Variants in ADGRL2 observed in about 807,000 individuals in gnomAD.
ADGRL2 encodes adhesion G protein-coupled receptor L2.
A neutral mutation model predicts 157.4 loss-of-function variants in ADGRL2; 44 were observed. That is an observed-to-expected ratio of 0.28 (90% confidence interval 0.22 to 0.36). The LOEUF (loss-of-function observed/expected upper bound fraction) is 0.36, where lower values mean the gene tolerates loss of function less well. ADGRL2 is among the 10% of genes least tolerant of loss of function. The pLI is 1.00. For missense variants in ADGRL2, 1,510 were observed against 1,768.9 expected, an observed-to-expected ratio of 0.85 and a Z score of 2.63; for synonymous variants, 585 against 624.7, an observed-to-expected ratio of 0.94 and a Z score of 0.95.
intron 2 of ADGRL2, among the ~76,000 whole-genome samples, chr1:81,453,186 T>C (rs2077734080): frequency 6.6e-6 from 1 of 152,222 alleles, no homozygotes; most frequent in Non-Finnish European, 1.5e-5. Flanking sequence ...AATTCCACTC[T>C]GACTAACTGC....
intron 1 of ADGRL2, among the ~76,000 whole-genome samples, chr1:81,824,077 CTTAA>C (rs2091248033): frequency 6.6e-6 from 1 of 152,068 alleles, no homozygotes; most frequent in Admixed American, 6.5e-5. Flanking sequence ...CACTTACTCT[CTTAA>C]TTACATTACA....
Position 81,481,700 on chromosome 1 carries a change from C to A in ADGRL2, c.-248+36611C>A, listed in dbSNP as rs138506634. Among the ~76,000 whole-genome samples the A allele has an allele frequency of 2.1e-3, 315 of 150,928 alleles. 1 individual carries two copies. The highest frequency in any genetic ancestry group is 0.012 in the South Asian group (59 of 4,724). ...TGAGGTTACAATGTTCCCTAACCCA[C>A]TTTTGGCCCCATTTACTGTATAGGC... is the stretch of plus-strand genomic sequence containing the variant. On this transcript the variant is annotated intron_variant, in intron 2 of 24. Coordinates refer to the ADGRL2 transcript ENST00000370721.
intron 2 of ADGRL2, among the ~76,000 whole-genome samples, chr1:81,868,187 TA>T (rs1336755104): frequency 6.6e-6 from 1 of 152,016 alleles, no homozygotes; most frequent in African/African-American, 2.4e-5. Context: ...GCAGTGCTAA[TA>T]CTGTTGAAAC....
At chr1:81,747,012 G>A (rs778840068) in intron 1 of ADGRL2, among the ~76,000 whole-genome samples, 15 of 139,808 alleles carry the variant, frequency 1.1e-4, no homozygotes, top group Admixed American at 7.7e-4. Context: ...GTATACACAC[G>A]TATGTATACA....
chr1:81,942,248 C>T (rs1007777249), intron 5 of ADGRL2, among the ~76,000 whole-genome samples: 3 of 151,756 alleles, frequency 2.0e-5, no homozygotes, highest in African/African-American at 4.8e-5. Context: ...CTGAAGTCGG[C>T]GAGGGGGATC....
rs188553112 is a variant in ADGRL2 at position 81,335,945 on chromosome 1, G to T, written c.-302+29436G>T. Among the ~76,000 whole-genome samples, 4 of 152,032 alleles carry T rather than the reference G, an allele frequency of 2.6e-5. No homozygotes were observed. The East Asian group carries it at 7.7e-4, about 29-fold the overall frequency. On this transcript the variant is annotated intron_variant, in intron 1 of 24. Transcript: ENST00000370721. ...TGGAAAATTTCTACTTCAATCAATA[G>T]CACCATTAGCTGGAATCTAGATTCC...
chr1:81,425,775 G>A (rs1247822707), intron 1 of ADGRL2, among the ~76,000 whole-genome samples: 1 of 152,162 alleles, frequency 6.6e-6, no homozygotes, highest in Non-Finnish European at 1.5e-5. Context: ...TCACCCCATG[G>A]TGAGTACCAG....
chr1:81,409,508 C>A (rs536896287), intron 1 of ADGRL2, among the ~76,000 whole-genome samples: 2 of 152,114 alleles, frequency 1.3e-5, no homozygotes, highest in Non-Finnish European at 2.9e-5. Context: ...AATTTGGATG[C>A]CAAATGAATA....
chr1:81,355,851 C>T (rs1663245239), intron 1 of ADGRL2, among the ~76,000 whole-genome samples: 2 of 152,174 alleles, frequency 1.3e-5, no homozygotes, highest in Non-Finnish European at 2.9e-5. Flanking sequence ...GTCTTCGTAA[C>T]CCCTGGATTA....
At chr1:81,659,764 T>C (rs1448540165) in intron 3 of ADGRL2, among the ~76,000 whole-genome samples, 1 of 152,234 alleles carries the variant, frequency 6.6e-6, no homozygotes, top group Non-Finnish European at 1.5e-5. Flanking sequence ...GTTTACCACA[T>C]TCTCATCAAA....
At chr1:81,914,287 T>A (rs3790909) in intron 3 of ADGRL2, among the ~76,000 whole-genome samples, 54,405 of 151,998 alleles carry the variant, frequency 0.36, 9,970 homozygotes, top group Middle Eastern at 0.43. Flanking sequence ...TCCTATAGGT[T>A]ACAATAAACT....
intron 11 of ADGRL2, among the ~76,000 whole-genome samples, chr1:81,956,631 G>C (rs1653592918): frequency 1.3e-5 from 2 of 152,090 alleles, no homozygotes; most frequent in African/African-American, 2.4e-5. Context: ...CCACTGAGAG[G>C]TAGGAATTCA....
At chr1:81,749,572 T>C (rs942403993) in intron 1 of ADGRL2, among the ~76,000 whole-genome samples, 4 of 152,202 alleles carry the variant, frequency 2.6e-5, no homozygotes, top group African/African-American at 9.6e-5. Context: ...TCTTGAACAG[T>C]GCCTGGAATA....
intron 1 of ADGRL2, among the ~76,000 whole-genome samples, chr1:81,713,330 G>A (rs2084000857): frequency 6.6e-6 from 1 of 152,136 alleles, no homozygotes; most frequent in South Asian, 2.1e-4. Flanking sequence ...AGTATGCCAA[G>A]CAGTCTAAAA....
At chr1:81,842,252 A>G (rs1460755013) in intron 2 of ADGRL2, among the ~76,000 whole-genome samples, 2 of 148,510 alleles carry the variant, frequency 1.3e-5, no homozygotes, top group East Asian at 4.2e-4. Flanking sequence ...GTTTCTTGGG[A>G]GTTAGTATCT....
At chr1:81,413,007 G>A (rs750668844) in intron 1 of ADGRL2, among the ~76,000 whole-genome samples, 1 of 152,054 alleles carries the variant, frequency 6.6e-6, no homozygotes, top group Non-Finnish European at 1.5e-5. Flanking sequence ...GTTCTTGGAT[G>A]TTTTCTCTAC....
chr1:81,318,192 A>T (rs926080048), intron 1 of ADGRL2, among the ~76,000 whole-genome samples: 2 of 152,206 alleles, frequency 1.3e-5, no homozygotes, highest in South Asian at 2.1e-4. Context: ...GGTCAATAAC[A>T]GTATCAAATT....
intron 1 of ADGRL2, chr1:81,722,776 C>G (rs927148470): frequency 1.6e-5 from 12 of 773,104 alleles, no homozygotes; most frequent in Non-Finnish European, 2.5e-5. Context: ...TGAGAGAGCC[C>G]GGAGGGAGGA....
At chr1:81,423,962 G>C (rs924975440) in intron 1 of ADGRL2, among the ~76,000 whole-genome samples, 5 of 152,184 alleles carry the variant, frequency 3.3e-5, no homozygotes, top group African/African-American at 1.2e-4. Flanking sequence ...AATGTATCAG[G>C]CTTTCTATAT....
Sources: allele counts gnomAD v4.1 joint callset (sites outside exome capture counted in the v4.1 genomes callset), GRCh38; gene constraint gnomAD v4.1.1; transcripts MANE v1.5; gene names NCBI Gene and HGNC (gene_info 2026-07-23, HGNC 2026-07-21).